The following ST6GALNAC3 variants were observed in gnomAD, a reference collection of about 807,000 sequenced individuals.
ST6GALNAC3 encodes ST6 N-acetylgalactosaminide alpha-2,6-sialyltransferase 3, also known as alpha-N-acetylgalactosaminide alpha-2,6-sialyltransferase 3.
A neutral mutation model predicts 32.7 loss-of-function variants in ST6GALNAC3; 25 were observed. The ratio of observed to expected loss-of-function variants is 0.76; its 90% CI spans 0.56 to 1.07. The LOEUF is 1.07. Among genes scored for constraint, ST6GALNAC3 ranks in the 50% least tolerant of loss-of-function variants. ST6GALNAC3 has a pLI of 0.00. For missense variants in ST6GALNAC3, 355 were observed against 382.4 expected (o/e 0.93, Z 0.60); for synonymous variants, 129 against 133.1 (o/e 0.97, Z 0.21).
chr1:76,539,666 G>GA (rs148938937), intron 3 of ST6GALNAC3, among the ~76,000 whole-genome samples: 122,879 of 150,442 alleles, frequency 0.82, 51,683 homozygotes, highest in East Asian at 0.98. Flanking sequence ...AAATTTGCAA[G>GA]AAAAAAAAAC....
chr1:76,087,490 T>C (rs1028899639), intron 1 of ST6GALNAC3, among the ~76,000 whole-genome samples: 1 of 152,214 alleles, frequency 6.6e-6, no homozygotes, highest in African/African-American at 2.4e-5. Context: ...ACTGAACATC[T>C]AATTTTTTTT....
intron 3 of ST6GALNAC3, among the ~76,000 whole-genome samples, chr1:76,578,047 T>A (rs1192004838): frequency 6.6e-6 from 1 of 152,080 alleles, no homozygotes; most frequent in Non-Finnish European, 1.5e-5. Context: ...CTATCTAGTT[T>A]TTTGTTTGTT....
At chr1:76,469,022 A>T (rs1658844162) in intron 3 of ST6GALNAC3, among the ~76,000 whole-genome samples, 2 of 152,060 alleles carry the variant, frequency 1.3e-5, no homozygotes, top group South Asian at 4.1e-4. Flanking sequence ...GCCTCACCAA[A>T]GGGTAATCAA....
intron 2 of ST6GALNAC3, among the ~76,000 whole-genome samples, chr1:76,348,065 A>G (rs1648667594): frequency 6.6e-6 from 1 of 152,222 alleles, no homozygotes; most frequent in South Asian, 2.1e-4. Flanking sequence ...TTTTCGTAGA[A>G]GCCTACCAAC....
chr1:76,535,379 G>A (rs2101832686), intron 3 of ST6GALNAC3, among the ~76,000 whole-genome samples: 1 of 152,166 alleles, frequency 6.6e-6, no homozygotes, highest in South Asian at 2.1e-4. Context: ...GAAATTAATA[G>A]GTTTCTTTGA....
intron 1 of ST6GALNAC3, among the ~76,000 whole-genome samples, chr1:76,103,108 T>G (rs289681): frequency 0.17 from 24,495 of 141,744 alleles, 2,171 homozygotes; most frequent in Non-Finnish European, 0.19. Flanking sequence ...GATTTTTAGT[T>G]TTTTTTTTTT....
intron 2 of ST6GALNAC3, among the ~76,000 whole-genome samples, chr1:76,335,270 C>T (rs1346058674): frequency 6.6e-6 from 1 of 152,140 alleles, no homozygotes; most frequent in Non-Finnish European, 1.5e-5. Context: ...TTATTGTGTA[C>T]TTTACAAATT....
At chr1:76,558,218 T>G (rs1242485846) in intron 3 of ST6GALNAC3, among the ~76,000 whole-genome samples, 2 of 152,140 alleles carry the variant, frequency 1.3e-5, no homozygotes, top group African/African-American at 4.8e-5. Context: ...AGAACTACCT[T>G]TCAACTCAGC....
At chr1:76,205,793 A>C (rs1209320845) in intron 1 of ST6GALNAC3, among the ~76,000 whole-genome samples, 3 of 152,122 alleles carry the variant, frequency 2.0e-5, no homozygotes, top group Non-Finnish European at 4.4e-5. Context: ...CCTGGCAGTA[A>C]GTACTAAATC....
chr1:76,162,183 G>A (rs1414403), intron 1 of ST6GALNAC3, among the ~76,000 whole-genome samples: 114,752 of 152,148 alleles, frequency 0.75, 44,292 homozygotes, highest in East Asian at 0.93. Flanking sequence ...TCCATCATAA[G>A]ATAGACATAA....
chr1:76,637,100 A>G (rs1557646464), downstream of ST6GALNAC3: 1 of 152,208 alleles, frequency 6.6e-6, no homozygotes, highest in Non-Finnish European at 1.5e-5. Context: ...TACAGTGTAC[A>G]CCAGCCACCT....
intron 1 of ST6GALNAC3, among the ~76,000 whole-genome samples, chr1:76,143,282 C>T (rs1281043058): frequency 1.3e-5 from 2 of 152,088 alleles, no homozygotes; most frequent in East Asian, 1.9e-4. Flanking sequence ...TAGAGCATGC[C>T]ATTCCTCACC....
chr1:76,463,661 G>A (rs1277936938), intron 3 of ST6GALNAC3, among the ~76,000 whole-genome samples: 1 of 152,170 alleles, frequency 6.6e-6, no homozygotes, highest in Admixed American at 6.5e-5. Context: ...CTGCTCTGAA[G>A]AGTCTTCTGG....
chr1:76,446,160 T>C (rs1571252840), intron 3 of ST6GALNAC3, among the ~76,000 whole-genome samples: 1 of 152,248 alleles, frequency 6.6e-6, no homozygotes, highest in Non-Finnish European at 1.5e-5. Flanking sequence ...GATATTGTTC[T>C]TTTTTCTAAA....
chr1:76,084,975 AACTTT>A (rs1553152621), intron 1 of ST6GALNAC3, among the ~76,000 whole-genome samples: 1 of 152,216 alleles, frequency 6.6e-6, no homozygotes, highest in Non-Finnish European at 1.5e-5. Flanking sequence ...CTGGCTTGAC[AACTTT>A]ACCAGCATGA....
chr1:76,564,774 A>T (rs1472246473), intron 3 of ST6GALNAC3, among the ~76,000 whole-genome samples: 19 of 151,860 alleles, frequency 1.3e-4, no homozygotes, highest in Non-Finnish European at 2.8e-4. Context: ...TTTAGTAGAG[A>T]CGGGGTTTCA....
At chr1:76,290,625 T>A (rs1371073872) in intron 1 of ST6GALNAC3, among the ~76,000 whole-genome samples, 2 of 152,190 alleles carry the variant, frequency 1.3e-5, no homozygotes. Flanking sequence ...GTGAATAGCA[T>A]GTCCAGGACC....
chr1:76,579,825 C>T (rs1646866504), intron 3 of ST6GALNAC3, among the ~76,000 whole-genome samples: 2 of 151,964 alleles, frequency 1.3e-5, no homozygotes, highest in Non-Finnish European at 2.9e-5. Context: ...TTTGATAAGA[C>T]ATTTACATAT....
intron 1 of ST6GALNAC3, among the ~76,000 whole-genome samples, chr1:76,150,261 G>T (rs980829386): frequency 3.9e-5 from 6 of 152,154 alleles, no homozygotes; most frequent in African/African-American, 1.4e-4. Context: ...TACGTTGAGT[G>T]CTTTGGTGTG....
Sources: allele counts gnomAD v4.1 joint callset (sites outside exome capture counted in the v4.1 genomes callset), GRCh38; gene constraint gnomAD v4.1.1; transcripts MANE v1.5; gene names NCBI Gene and HGNC (gene_info 2026-07-23, HGNC 2026-07-21).